Variants in CREB3L2 observed in about 807,000 individuals in gnomAD.
The protein encoded by CREB3L2 is cAMP responsive element binding protein 3 like 2.
In CREB3L2, 23 loss-of-function variants were observed where a neutral mutation model predicts 57.2. The ratio of observed to expected loss-of-function variants is 0.40; its 90% CI spans 0.29 to 0.57. The LOEUF (loss-of-function observed/expected upper bound fraction) is 0.57. Among genes scored for constraint, CREB3L2 ranks in the 20% least tolerant of loss-of-function variants. The pLI, the probability that CREB3L2 is intolerant of heterozygous loss-of-function variation, is 0.42. For synonymous variants in CREB3L2, 268 were observed against 265.1 expected (o/e 1.01, Z -0.11); for missense variants, 628 against 634.7 (o/e 0.99, Z 0.11).
chr7:137,966,369 A>G (rs976686786), intron 1 of CREB3L2, among the ~76,000 whole-genome samples: 4 of 152,266 alleles, frequency 2.6e-5, no homozygotes, highest in African/African-American at 7.2e-5. Context: ...GGTTAAAAAA[A>G]GCAAATTCAG....
intron 1 of CREB3L2, among the ~76,000 whole-genome samples, chr7:137,949,204 G>T (rs775464052): frequency 7.7e-4 from 117 of 152,302 alleles, no homozygotes; most frequent in Non-Finnish European, 1.6e-3. Flanking sequence ...CTGGAGTTCG[G>T]CATTCAAACT....
rs1467830307 is a variant in CREB3L2 at position 137,878,288 on chromosome 7, C to T, written c.*2188G>A. ...TTGAAAACCCAGTCTGGTTCAGTTG[C>T]AGCAGGTACATGGGTTGGCTCATTC... On this transcript the variant is annotated 3_prime_UTR_variant, in exon 12 of 12. Coordinates refer to ENST00000330387, the MANE Select transcript of CREB3L2 (RefSeq NM_194071.4). 3 of 232,818 alleles carry T rather than the reference C, an allele frequency of 1.3e-5. No homozygotes were observed. Among genetic ancestry groups the T allele is most frequent in the East Asian group, 1.2e-4 (2 of 16,554 alleles). 14.4% of individuals were successfully genotyped at this position (232,818 alleles called of 1,614,324 possible).
chr7:137,911,598 G>A (rs1800006696), intron 4 of CREB3L2, among the ~76,000 whole-genome samples: 1 of 152,246 alleles, frequency 6.6e-6, no homozygotes, highest in Non-Finnish European at 1.5e-5. Context: ...AACACTTTGG[G>A]AGGCCAAGAT....
intron 1 of CREB3L2, among the ~76,000 whole-genome samples, chr7:137,989,245 G>T (rs533547230): frequency 1.3e-5 from 2 of 152,222 alleles, no homozygotes; most frequent in African/African-American, 2.4e-5. Flanking sequence ...CATGCACACA[G>T]GTCTGCTACA....
intron 1 of CREB3L2, among the ~76,000 whole-genome samples, chr7:137,977,764 C>G (rs1357669136): frequency 6.6e-6 from 1 of 151,962 alleles, no homozygotes; most frequent in Non-Finnish European, 1.5e-5. Flanking sequence ...CTACTAAAAA[C>G]AGAAATATTA....
At chr7:137,917,538 G>A (rs984699532) in intron 2 of CREB3L2, among the ~76,000 whole-genome samples, 4 of 152,106 alleles carry the variant, frequency 2.6e-5, no homozygotes, top group Admixed American at 6.5e-5. Context: ...GAGCAAAGTC[G>A]TTCACATTAT....
intron 1 of CREB3L2, among the ~76,000 whole-genome samples, chr7:137,953,675 C>G (rs1801146915): frequency 6.6e-6 from 1 of 152,196 alleles, no homozygotes; most frequent in Admixed American, 6.5e-5. Context: ...TGAGCTCTTT[C>G]TAATGCCAAG....
intron 1 of CREB3L2, among the ~76,000 whole-genome samples, chr7:137,960,350 TAC>T (rs1801297410): frequency 6.6e-6 from 1 of 152,132 alleles, no homozygotes; most frequent in South Asian, 2.1e-4. Flanking sequence ...AAGCTTAAAA[TAC>T]AGTGACTATA....
intron 1 of CREB3L2, among the ~76,000 whole-genome samples, chr7:137,990,301 T>C (rs572073667): frequency 1.1e-4 from 17 of 152,326 alleles, no homozygotes; most frequent in African/African-American, 2.6e-4. Context: ...TCAGCACCCA[T>C]TGCAAATATC....
Position 137,877,312 on chromosome 7 carries a change from T to C in CREB3L2, c.*3164A>G, listed in dbSNP as rs1398109724. 8.8e-6 allele frequency: 2 copies of C among 226,266 alleles called. No individual in the cohort carries two copies. Among genetic ancestry groups the C allele is most frequent in the Non-Finnish European group, 8.8e-6 (1 of 113,704 alleles). 14.0% of individuals were successfully genotyped at this position (226,266 alleles called of 1,614,324 possible). ...CCAAAAGGTTATCTAATTTTGCCCA[T>C]ATTGGTGTCAAATCTCATCCCCACT... is the stretch of plus-strand genomic sequence containing the variant. On this transcript the variant is annotated 3_prime_UTR_variant, in exon 12 of 12. Coordinates refer to ENST00000330387, the MANE Select transcript of CREB3L2 (RefSeq NM_194071.4).
At chr7:137,918,042 G>T (rs1036055739) in intron 2 of CREB3L2, among the ~76,000 whole-genome samples, 7 of 152,138 alleles carry the variant, frequency 4.6e-5, no homozygotes, top group Non-Finnish European at 7.4e-5. Context: ...CGAGCCAAAA[G>T]ATTCCGTTGA....
chr7:137,902,103 A>T (rs1799774367), intron 7 of CREB3L2, among the ~76,000 whole-genome samples: 1 of 149,742 alleles, frequency 6.7e-6, no homozygotes, highest in Non-Finnish European at 1.5e-5. Context: ...CTGAGACAGA[A>T]GAGTCACTTG....
At chr7:137,889,573 G>A (rs922418010) in intron 8 of CREB3L2, among the ~76,000 whole-genome samples, 7 of 152,166 alleles carry the variant, frequency 4.6e-5, no homozygotes, top group African/African-American at 7.2e-5. Flanking sequence ...GGTGGAAAGC[G>A]CAACAGTGAC....
At chr7:137,972,002 C>A (rs1801515572) in intron 1 of CREB3L2, among the ~76,000 whole-genome samples, 1 of 150,900 alleles carries the variant, frequency 6.6e-6, no homozygotes, top group African/African-American at 2.4e-5. Flanking sequence ...AAGGGCATGG[C>A]ACAATAGTTA....
chr7:137,962,641 AC>A (rs1181891773), intron 1 of CREB3L2, among the ~76,000 whole-genome samples: 12 of 149,670 alleles, frequency 8.0e-5, no homozygotes, highest in African/African-American at 3.0e-4. Flanking sequence ...AGAGCCTCCC[AC>A]CCCCCACCAG....
intron 1 of CREB3L2, among the ~76,000 whole-genome samples, chr7:137,959,895 C>T (rs1351198386): frequency 2.6e-5 from 4 of 152,064 alleles, no homozygotes; most frequent in Admixed American, 2.0e-4. Flanking sequence ...ACTTATTTAC[C>T]TCAGTAACTT....
At chr7:137,957,010 A>G (rs1053626378) in intron 1 of CREB3L2, among the ~76,000 whole-genome samples, 10 of 150,098 alleles carry the variant, frequency 6.7e-5, no homozygotes, top group Admixed American at 2.7e-4. Context: ...CCCACCCCCC[A>G]GTGTACATTA....
At chr7:137,989,604 CCT>C (rs1801852578) in intron 1 of CREB3L2, among the ~76,000 whole-genome samples, 1 of 151,936 alleles carries the variant, frequency 6.6e-6, no homozygotes, top group African/African-American at 2.4e-5. Flanking sequence ...TTCACTAATC[CCT>C]CACCAGGATC....
chr7:137,942,216 C>A (rs1290104302), intron 1 of CREB3L2, among the ~76,000 whole-genome samples: 1 of 152,212 alleles, frequency 6.6e-6, no homozygotes, highest in African/African-American at 2.4e-5. Context: ...TATGAAGGAA[C>A]TGTTTAAAGC....
Sources: allele counts gnomAD v4.1 joint callset (sites outside exome capture counted in the v4.1 genomes callset), GRCh38; gene constraint gnomAD v4.1.1; transcripts MANE v1.5; gene names NCBI Gene and HGNC (gene_info 2026-07-23, HGNC 2026-07-21).